Variants in SLC6A5 observed in about 807,000 individuals in gnomAD.
SLC6A5 encodes the protein solute carrier family 6 member 5, also known as sodium- and chloride-dependent glycine transporter 2.
Under a neutral mutation model 90.5 loss-of-function variants are expected in SLC6A5, and 58 were observed. The ratio of observed to expected loss-of-function variants is 0.64; its 90% confidence interval spans 0.52 to 0.80. The LOEUF (loss-of-function observed/expected upper bound fraction) is 0.80, where lower values mean the gene tolerates loss of function less well. Among genes scored for constraint, SLC6A5 ranks in the 30% least tolerant of loss-of-function variants. The pLI is 0.00. For missense variants in SLC6A5, 1,015 were observed against 1,017.6 expected (o/e 1.00, Z 0.03); for synonymous variants, 427 against 401.4 (o/e 1.06, Z -0.76).
chr11:20,649,312 A>G (rs1369568002), intron 14 of SLC6A5, among the ~76,000 whole-genome samples: 2 of 152,156 alleles, frequency 1.3e-5, no homozygotes, highest in Admixed American at 1.3e-4. Context: ...GGTCAATTCC[A>G]TCATCATTGT....
At position 20,652,345 on chromosome 11, in the gene SLC6A5, C is replaced by A. The variant is rs749237379; in HGVS notation, c.2127C>A (p.Arg709=). The A allele has an allele frequency of 1.2e-5, 19 of 1,614,000 alleles. No individual in the cohort carries two copies. In the East Asian group the frequency reaches 3.6e-4, roughly 30 times the overall value. ...AGCCCATGACCTATGGCTCTTACCG[C>A]TATCCTAACTGGTCCATGGTGCTCG... The part of the protein sequence containing the change: ...QWEPMTYGSY[R]YPNWSMVLGW... Residue 709 remains arginine, a synonymous_variant, in exon 15 of 16, where the codon CGC becomes CGA. Transcript: ENST00000525748.
intron 9 of SLC6A5, among the ~76,000 whole-genome samples, chr11:20,628,552 A>G (rs944136855): frequency 4.6e-5 from 7 of 152,234 alleles, no homozygotes; most frequent in East Asian, 1.9e-4. Flanking sequence ...TAAAGGCCCT[A>G]TCTCCAAATA....
At position 20,654,941 on chromosome 11, in the gene SLC6A5, C is replaced by T; in HGVS notation, c.*73C>T. The T allele has an allele frequency of 1.4e-6, 2 of 1,441,350 alleles. No individual in the cohort carries two copies. Among genetic ancestry groups the T allele is most frequent in the South Asian group, 1.1e-5 (1 of 87,332 alleles). 89.3% of individuals were successfully genotyped at this position (1,441,350 alleles called of 1,614,324 possible). On this transcript the variant is annotated 3_prime_UTR_variant, in exon 16 of 16. Transcript: ENST00000525748. ...CCTCCTCCTAATGTTTTCCATAGCT[C>T]TCCTCCCATTTTTCTTCATCTTTCT... is the stretch of plus-strand genomic sequence containing the variant.
At chr11:20,646,194 A>G (rs1370775400) in intron 13 of SLC6A5, among the ~76,000 whole-genome samples, 3 of 152,238 alleles carry the variant, frequency 2.0e-5, no homozygotes, top group Non-Finnish European at 2.9e-5. Context: ...GTCTAGGGCC[A>G]TGAGAGTAAC....
chr11:20,623,732 C>T (rs753887655), intron 7 of SLC6A5, among the ~76,000 whole-genome samples: 24 of 152,026 alleles, frequency 1.6e-4, no homozygotes, highest in Non-Finnish European at 3.1e-4. Context: ...CTTTGCTGTT[C>T]CTAGGAGCCA....
At chr11:20,631,863 T>C (rs1030265423) in intron 10 of SLC6A5, among the ~76,000 whole-genome samples, 8 of 152,178 alleles carry the variant, frequency 5.3e-5, no homozygotes, top group Non-Finnish European at 1.0e-4. Context: ...TGTCACCTTC[T>C]TGGATACTAA....
At position 20,637,146 on chromosome 11, in the gene SLC6A5, A is replaced by G. The variant is rs1415434939; in HGVS notation, c.1738-26A>G. 5 of 1,613,244 alleles carry G rather than the reference A, an allele frequency of 3.1e-6. No homozygotes were observed. The Admixed American group carries it at 6.7e-5, about 22-fold the overall frequency. On this transcript the variant is annotated intron_variant, in intron 11 of 15. Transcript: ENST00000525748. ...TCCTGGGTGGTACAATTTGACTCAGATGTTCATTTCCTGACACGGTTCCAG... is the reference window on the plus strand; with the variant it reads ...TCCTGGGTGGTACAATTTGACTCAGGTGTTCATTTCCTGACACGGTTCCAG...
rs774510262 is a variant in SLC6A5 at position 20,607,506 on chromosome 11, C to G, written c.839C>G (p.Ser280Cys). 1.9e-6 allele frequency: 3 copies of G among 1,614,086 alleles called. No homozygotes were observed. Among genetic ancestry groups the G allele is most frequent in the South Asian group, 1.1e-5 (1 of 91,092 alleles). The change falls in exon 5 of 16, where the codon TCT (serine) becomes TGT (cysteine). Residue 280 changes from serine (S) to cysteine (C), a missense_variant. Transcript: ENST00000525748. The part of the protein sequence containing the change: ...QGCGIAMLII[S>C]VLIAIYYNVI... ...TGTGGCATCGCGATGCTGATCATCT[C>G]TGTCCTAATAGCCATATACTACAAT...
intron 8 of SLC6A5, among the ~76,000 whole-genome samples, chr11:20,627,132 TAA>T (rs1853013291): frequency 6.6e-6 from 1 of 152,204 alleles, no homozygotes; most frequent in South Asian, 2.1e-4. Flanking sequence ...TATCTGTTGC[TAA>T]TTATAGAGTG....
intron 3 of SLC6A5, among the ~76,000 whole-genome samples, chr11:20,606,775 G>A (rs1395976560): frequency 6.6e-6 from 1 of 152,186 alleles, no homozygotes; most frequent in Non-Finnish European, 1.5e-5. Flanking sequence ...CCAGTGGAGA[G>A]TTGAAATAAG....
chr11:20,649,843 C>T (rs946844274), intron 14 of SLC6A5, among the ~76,000 whole-genome samples: 5 of 152,176 alleles, frequency 3.3e-5, no homozygotes, highest in Admixed American at 1.3e-4. Flanking sequence ...TTACAATACT[C>T]TGGTTAATAA....
intron 9 of SLC6A5, 88 bp downstream of exon 9, chr11:20,628,171 T>G: frequency 9.4e-7 from 1 of 1,065,556 alleles, no homozygotes; most frequent in Non-Finnish European, 1.5e-6. Flanking sequence ...GGCCACATCC[T>G]CACATTTCAT....
chr11:20,636,421 T>A lies in SLC6A5; in HGVS notation c.1737+2T>A. On this transcript the variant is annotated splice_donor_variant, in intron 11 of 15. Transcript: ENST00000525748. LOFTEE classifies it high-confidence loss of function. ...CTCACTCTTGGACTTGACACTATGG[T>A]GAGCCCCTTTTCCATCAGTCTCTAT... is the stretch of plus-strand genomic sequence containing the variant. 6.4e-7 allele frequency: 1 copy of A among 1,566,928 alleles called. No homozygotes were observed. Among genetic ancestry groups the A allele is most frequent in the Middle Eastern group, 1.7e-4 (1 of 5,976 alleles).
rs544439974 is a variant in SLC6A5 at position 20,648,077 on chromosome 11, C to CA, written c.2070+1144dup. On this transcript the variant is annotated intron_variant, in intron 14 of 15. Coordinates refer to ENST00000525748, the MANE Select transcript of SLC6A5 (RefSeq NM_004211.5). Reference sequence around the variant, plus strand: ...TTCACACTGCAAACACAGCAATTGACAGAGATCCTTCCCCATCCTCCTCTG... The same window carrying CA: ...TTCACACTGCAAACACAGCAATTGACAAGAGATCCTTCCCCATCCTCCTCTG... Among the ~76,000 whole-genome samples the CA allele has an allele frequency of 2.2e-3, 329 of 152,284 alleles. 1 individual carries two copies. The highest frequency in any genetic ancestry group is 3.6e-3 in the Non-Finnish European group (243 of 68,016).
chr11:20,622,388 C>T lies in SLC6A5; in HGVS notation c.1261-4320C>T, dbSNP rs913315911. On this transcript the variant is annotated intron_variant, in intron 7 of 15. Coordinates refer to ENST00000525748, the MANE Select transcript of SLC6A5 (RefSeq NM_004211.5). The stretch of plus-strand genomic sequence containing the variant: ...AGGTTCCTGAAGTGCAGGGCCGGCA[C>T]CTGACAGTGAATGCCTCTGTAAATT... Among the ~76,000 whole-genome samples the T allele has an allele frequency of 2.6e-5, 4 of 152,284 alleles. No individual in the cohort carries two copies. In the East Asian group the frequency reaches 7.7e-4, roughly 29 times the overall value.
chr11:20,625,993 C>T (rs986100897), intron 7 of SLC6A5, among the ~76,000 whole-genome samples: 5 of 152,218 alleles, frequency 3.3e-5, no homozygotes, highest in African/African-American at 1.2e-4. Flanking sequence ...GTGCCCAGCT[C>T]ATAGGAGGCC....
At chr11:20,641,395 A>G (rs1415939090) in intron 13 of SLC6A5, among the ~76,000 whole-genome samples, 6 of 152,208 alleles carry the variant, frequency 3.9e-5, no homozygotes, top group Non-Finnish European at 8.8e-5. Context: ...GAGAAATGTT[A>G]GATTCACAGC....
At chr11:20,654,347 G>A (rs1220803387) in intron 15 of SLC6A5, among the ~76,000 whole-genome samples, 2 of 151,160 alleles carry the variant, frequency 1.3e-5, no homozygotes, top group Non-Finnish European at 3.0e-5. Context: ...TGCAGACTGT[G>A]TTTGGCAGTG....
At chr11:20,610,490 G>C (rs1852673960) in intron 5 of SLC6A5, among the ~76,000 whole-genome samples, 1 of 152,240 alleles carries the variant, frequency 6.6e-6, no homozygotes, top group Non-Finnish European at 1.5e-5. Flanking sequence ...TGGGAATCGA[G>C]AGATTTGGTG....
Sources: allele counts gnomAD v4.1 joint callset (sites outside exome capture counted in the v4.1 genomes callset), GRCh38; gene constraint gnomAD v4.1.1; transcripts MANE v1.5; gene names NCBI Gene and HGNC (gene_info 2026-07-23, HGNC 2026-07-21).